The following HTR2A variants were observed in gnomAD, a reference collection of about 807,000 sequenced individuals.
HTR2A encodes 5-HT2 receptor.
Under a neutral mutation model 31.0 loss-of-function variants are expected in HTR2A, and 14 were observed. The ratio of observed to expected loss-of-function variants is 0.45; its 90% CI spans 0.30 to 0.71. The LOEUF (loss-of-function observed/expected upper bound fraction) is 0.71. HTR2A is among the 30% of genes least tolerant of loss of function. The pLI is 0.09. For missense variants in HTR2A, 442 were observed against 573.3 expected (o/e 0.77, Z 2.34); for synonymous variants, 209 against 225.2 (o/e 0.93, Z 0.64).
At chr13:46,889,400 G>T (rs1951032956) in intron 3 of HTR2A, among the ~76,000 whole-genome samples, 2 of 152,150 alleles carry the variant, frequency 1.3e-5, no homozygotes, top group African/African-American at 2.4e-5. Context: ...AGGATGAAGA[G>T]ATTTGGAACC....
intron 3 of HTR2A, among the ~76,000 whole-genome samples, chr13:46,886,830 CAGTAGTCTTA>C: frequency 6.6e-6 from 1 of 152,256 alleles, no homozygotes; most frequent in Non-Finnish European, 1.5e-5. Context: ...AGAGAGTTAG[CAGTAGTCTTA>C]CGATGTTGAG....
chr13:46,896,117 A>T lies in HTR2A; in HGVS notation c.-211T>A. 7.6e-7 allele frequency: 1 copy of T among 1,308,014 alleles called. No individual in the cohort carries two copies. Among genetic ancestry groups the T allele is most frequent in the Non-Finnish European group, 9.7e-7 (1 of 1,034,222 alleles). 81.0% of individuals were successfully genotyped at this position (1,308,014 alleles called of 1,614,324 possible). The stretch of plus-strand genomic sequence containing the variant: ...GTAAGTTTTCTTCATTCACAATTTT[A>T]GGAGAGTCCACTGTTTGGTTTTATT... On this transcript the variant is annotated 5_prime_UTR_variant, in exon 2 of 4. Coordinates refer to ENST00000542664, the MANE Select transcript of HTR2A (RefSeq NM_000621.5).
intron 3 of HTR2A, among the ~76,000 whole-genome samples, chr13:46,857,443 G>A (rs1950746849): frequency 6.6e-6 from 1 of 152,150 alleles, no homozygotes; most frequent in African/African-American, 2.4e-5. Context: ...AGGATGGAAG[G>A]GCCAAGGCAG....
intron 3 of HTR2A, among the ~76,000 whole-genome samples, chr13:46,869,046 G>A (rs562024163): frequency 3.9e-5 from 6 of 152,140 alleles, no homozygotes; most frequent in South Asian, 2.1e-4. Flanking sequence ...AAGTAGATAC[G>A]TCACCAAAAG....
intron 3 of HTR2A, among the ~76,000 whole-genome samples, chr13:46,887,866 A>G (rs1951019809): frequency 6.6e-6 from 1 of 151,164 alleles, no homozygotes; most frequent in African/African-American, 2.4e-5. Flanking sequence ...CTGAATCGTG[A>G]GAACACGTGG....
chr13:46,894,546 G>A (rs1156268900), intron 2 of HTR2A, among the ~76,000 whole-genome samples: 2 of 152,210 alleles, frequency 1.3e-5, no homozygotes, highest in African/African-American at 4.8e-5. Context: ...ATTCTCTAGG[G>A]CTGGGTTGAT....
Position 46,896,014 on chromosome 13 carries a change from G to A in HTR2A, c.-108C>T, listed in dbSNP as rs1261312058. ...CACACTCTGTAACACTGAGGCTGGT[G>A]TACATGCTGTTCTCCCGGGGCTGGA... On this transcript the variant is annotated 5_prime_UTR_variant, in exon 2 of 4. Coordinates refer to ENST00000542664, the MANE Select transcript of HTR2A (RefSeq NM_000621.5). 6.8e-6 allele frequency: 10 copies of A among 1,470,194 alleles called. No homozygotes were observed. The Admixed American group carries it at 2.5e-4, about 37-fold the overall frequency. The allele number at this position is 1,470,194 out of a possible 1,614,324, so 91.1% of individuals were successfully genotyped here.
At position 46,897,004 on chromosome 13, in the gene HTR2A, C is replaced by G; in HGVS notation, c.-659G>C. 1 of 601,294 alleles carries G rather than the reference C, an allele frequency of 1.7e-6. No homozygotes were observed. The highest frequency in any genetic ancestry group is 1.9e-5 in the African/African-American group (1 of 53,654). 37.2% of individuals were successfully genotyped at this position (601,294 alleles called of 1,614,324 possible). On this transcript the variant is annotated 5_prime_UTR_variant, in exon 1 of 4. Transcript: ENST00000542664. ...GAACTGCATGGGAAAGTAGGAAGAGCTGTCTGCACCAAGGGACTCCTGGTT... is the reference window on the plus strand; with the variant it reads ...GAACTGCATGGGAAAGTAGGAAGAGGTGTCTGCACCAAGGGACTCCTGGTT...
At chr13:46,864,281 G>A (rs1371312508) in intron 3 of HTR2A, among the ~76,000 whole-genome samples, 1 of 152,022 alleles carries the variant, frequency 6.6e-6, no homozygotes, top group African/African-American at 2.4e-5. Flanking sequence ...AGACGATCAG[G>A]AAAAATAAAT....
intron 3 of HTR2A, among the ~76,000 whole-genome samples, chr13:46,879,008 A>C (rs952132335): frequency 3.3e-5 from 5 of 152,250 alleles, no homozygotes; most frequent in African/African-American, 1.2e-4. Context: ...AAGAAAGGAC[A>C]AAAACAAATA....
At chr13:46,896,642 C>A in intron 1 of HTR2A, 32 bp downstream of exon 1, 1 of 1,454,260 alleles carries the variant, frequency 6.9e-7, no homozygotes, top group Non-Finnish European at 9.2e-7. Context: ...GAAAATTACA[C>A]AGCAATAAAA....
chr13:46,867,915 T>C (rs1950831326), intron 3 of HTR2A, among the ~76,000 whole-genome samples: 1 of 152,206 alleles, frequency 6.6e-6, no homozygotes, highest in Admixed American at 6.5e-5. Context: ...GATAGAGATT[T>C]TTTTAAAGAG....
In HTR2A at chr13:46,896,181, C is replaced by G; in HGVS notation, c.-275G>C. On this transcript the variant is annotated 5_prime_UTR_variant, in exon 2 of 4. Coordinates refer to ENST00000542664, the MANE Select transcript of HTR2A (RefSeq NM_000621.5). ...ACCGAGGACAAAAAAGCAGAATGAA[C>G]TTTTAGCATAGAGGTTGCAGGGTTT... The G allele has an allele frequency of 8.4e-7, 1 of 1,196,766 alleles. No individual in the cohort carries two copies. Among genetic ancestry groups the G allele is most frequent in the Non-Finnish European group, 1.0e-6 (1 of 966,210 alleles). 74.1% of individuals were successfully genotyped at this position (1,196,766 alleles called of 1,614,324 possible).
In HTR2A at chr13:46,896,671, T is replaced by A; in HGVS notation, c.-329+3A>T. On this transcript the variant is annotated splice_donor_region_variant and intron_variant, in intron 1 of 3. Transcript: ENST00000542664. Reference sequence around the variant, plus strand: ...AATAAAATATAGCGGCATGAGAACTTACATTTGTCTTCAGGGTCCACACAT... The same window carrying A: ...AATAAAATATAGCGGCATGAGAACTAACATTTGTCTTCAGGGTCCACACAT... 2 of 1,520,062 alleles carry A rather than the reference T, an allele frequency of 1.3e-6. No individual in the cohort carries two copies. The highest frequency in any genetic ancestry group is 1.8e-6 in the Non-Finnish European group (2 of 1,138,526). The allele number at this position is 1,520,062 out of a possible 1,614,324, so 94.2% of individuals were successfully genotyped here. A position where few individuals can be genotyped will look rare whatever the true frequency, so the allele number is the denominator to read the frequency against.
chr13:46,892,438 T>C lies in HTR2A; in HGVS notation c.565A>G (p.Arg189Gly). The C allele has an allele frequency of 6.2e-7, 1 of 1,614,244 alleles. No homozygotes were observed. The highest frequency in any genetic ancestry group is 8.5e-7 in the Non-Finnish European group (1 of 1,180,038). ...ATGATTTTCAGAAATGCCTTAGTTC[T>C]GGAGTTGAAGCGGCTGTGGTGGATG... ...NPIHHSRFNS[R>G]TKAFLKIIAV... Residue 189 changes from arginine (R) to glycine (G), a missense_variant, in exon 3 of 4, where the codon AGA becomes GGA. Arg to Gly is a moderately radical substitution (Grantham distance 125, BLOSUM62 -2). Coordinates refer to ENST00000542664, the MANE Select transcript of HTR2A (RefSeq NM_000621.5).
intron 3 of HTR2A, among the ~76,000 whole-genome samples, chr13:46,861,969 T>C (rs1208344855): frequency 6.6e-6 from 1 of 152,198 alleles, no homozygotes; most frequent in Non-Finnish European, 1.5e-5. Context: ...ATAACCTCCT[T>C]GTTTGTCTAT....
intron 3 of HTR2A, among the ~76,000 whole-genome samples, chr13:46,884,450 G>A (rs952541149): frequency 1.3e-5 from 2 of 152,156 alleles, no homozygotes; most frequent in African/African-American, 2.4e-5. Flanking sequence ...GGATCACGAG[G>A]TCAGGACATC....
intron 3 of HTR2A, among the ~76,000 whole-genome samples, chr13:46,880,362 C>T (rs117874987): frequency 0.023 from 3,506 of 152,264 alleles, 51 homozygotes; most frequent in South Asian, 0.056. Context: ...AGGATCCTGA[C>T]GCAGCCCAAG....
chr13:46,840,641 C>A (rs1191910840), intron 3 of HTR2A, among the ~76,000 whole-genome samples: 1 of 152,100 alleles, frequency 6.6e-6, no homozygotes, highest in East Asian at 1.9e-4. Context: ...GACCTCTACT[C>A]AGGGTTCTTA....
Sources: gnomAD v4.1 joint callset for allele counts (sites outside exome capture counted in the v4.1 genomes callset) on GRCh38, gnomAD v4.1.1 for gene constraint, MANE v1.5 for transcripts, NCBI Gene and HGNC (gene_info 2026-07-23, HGNC 2026-07-21) for gene names.